ACSM1: variants seen among roughly 807,000 people sequenced by gnomAD.
ACSM1 encodes acyl-CoA synthetase medium chain family member 1.
A neutral mutation model predicts 75.8 loss-of-function variants in ACSM1; 79 were observed. The ratio of observed to expected loss-of-function variants is 1.04; its 90% confidence interval spans 0.87 to 1.26. The LOEUF (loss-of-function observed/expected upper bound fraction) is 1.26, where lower values mean the gene tolerates loss of function less well. Among genes scored for constraint, ACSM1 ranks in the 50% most tolerant of loss-of-function variants. The pLI is 0.00. For missense variants in ACSM1, 676 were observed against 720.1 expected (o/e 0.94, Z 0.70); for synonymous variants, 279 against 265.8 (o/e 1.05, Z -0.48).
chr16:20,625,471 C>T lies in ACSM1; in HGVS notation c.1479G>A (p.Ala493=), dbSNP rs777095267. Residue 493 remains alanine, a synonymous_variant, in exon 12 of 14, where the codon GCG becomes GCA. Transcript: ENST00000520010. The part of the protein sequence containing the change: ...EVESALVEHP[A]VAESAVVGSP... ...TGCCCACCACGGCTGACTCCGCCACCGCTGGGTGCTCCACCAAAGCGCTTT... is the reference window on the plus strand; with the variant it reads ...TGCCCACCACGGCTGACTCCGCCACTGCTGGGTGCTCCACCAAAGCGCTTT... 1.1e-5 allele frequency: 17 copies of T among 1,614,040 alleles called. No individual in the cohort carries two copies. Among genetic ancestry groups the T allele is most frequent in the Middle Eastern group, 1.6e-4 (1 of 6,084 alleles).
chr16:20,662,721 T>C (rs2152259846), intron 6 of ACSM1, among the ~76,000 whole-genome samples: 2 of 152,272 alleles, frequency 1.3e-5, no homozygotes, highest in South Asian at 4.1e-4. Flanking sequence ...CTACTTCCAG[T>C]CCCTCCCTTC....
Position 20,636,781 on chromosome 16 carries a change from T to C in ACSM1, c.1257A>G (p.Arg419=). Residue 419 remains arginine (R), a synonymous_variant, in exon 10 of 14, where the codon AGA becomes AGG. Coordinates refer to ENST00000520010, the MANE Select transcript of ACSM1 (RefSeq NM_001318890.3). ...GGCTCACAGGCCTGACAGGTTTGAT[T>C]CTGATGCCAATGTTTCCTTCTGTGT... ...PPNTEGNIGI[R]IKPVRPVSLF... 1.2e-6 allele frequency: 2 copies of C among 1,614,084 alleles called. No individual in the cohort carries two copies. The highest frequency in any genetic ancestry group is 3.3e-5 in the Admixed American group (2 of 59,998).
In ACSM1 at chr16:20,627,198, TTAA is replaced by T. The variant is rs2016982433; in HGVS notation, c.1415_1417del (p.Ile472del). The T allele has an allele frequency of 6.4e-7, 1 of 1,560,784 alleles. No homozygotes were observed. Among genetic ancestry groups the T allele is most frequent in the Non-Finnish European group, 8.6e-7 (1 of 1,157,410 alleles). ...CATCAGCCACACCTACCCAGAGGCATTAATGATGTCATCACTCCTCCCCAGGAA... is the reference window on the plus strand; with the variant it reads ...CATCAGCCACACCTACCCAGAGGCATTGATGTCATCACTCCTCCCCAGGAA... On this transcript the variant is annotated inframe_deletion, in exon 11 of 14. Transcript: ENST00000520010.
Position 20,625,492 on chromosome 16 carries a change from G to A in ACSM1, c.1458C>T (p.Ser486=), listed in dbSNP as rs2301672. The change falls in exon 12 of 14, where the codon AGC becomes AGT. Residue 486 remains serine, a synonymous_variant. Transcript: ENST00000520010. Reference sequence around the variant, plus strand: ...CCACCGCTGGGTGCTCCACCAAAGCGCTTTCAACCTCTGCAGGCCCGATGC... The same window carrying A: ...CCACCGCTGGGTGCTCCACCAAAGCACTTTCAACCTCTGCAGGCCCGATGC... ...GYRIGPAEVE[S]ALVEHPAVAE... is the part of the protein sequence containing the mutation. 0.14 allele frequency: 227,554 copies of A among 1,613,792 alleles called. 19,893 individuals are homozygous for A. The highest frequency in any genetic ancestry group is 0.5 in the East Asian group (22,564 of 44,820).
intron 7 of ACSM1, among the ~76,000 whole-genome samples, chr16:20,653,025 T>A (rs539346213): frequency 1.3e-5 from 2 of 152,208 alleles, no homozygotes; most frequent in South Asian, 2.1e-4. Context: ...GCAAACTGAA[T>A]CCAGCAACAC....
At chr16:20,633,566 T>C (rs774911919) in intron 10 of ACSM1, among the ~76,000 whole-genome samples, 3 of 152,194 alleles carry the variant, frequency 2.0e-5, no homozygotes, top group Non-Finnish European at 4.4e-5. Flanking sequence ...TACTCATTTA[T>C]TGGAGACTTA....
At chr16:20,649,073 C>T (rs1221250715) in intron 7 of ACSM1, among the ~76,000 whole-genome samples, 1 of 152,184 alleles carries the variant, frequency 6.6e-6, no homozygotes, top group African/African-American at 2.4e-5. Flanking sequence ...ATCTTTCTCT[C>T]CTGTTAATCA....
intron 8 of ACSM1, among the ~76,000 whole-genome samples, chr16:20,637,845 G>A (rs2017817129): frequency 6.6e-6 from 1 of 152,212 alleles, no homozygotes; most frequent in East Asian, 1.9e-4. Flanking sequence ...TTTACTTGGG[G>A]CTGTTGAGCA....
At chr16:20,635,484 C>T (rs923249260) in intron 10 of ACSM1, among the ~76,000 whole-genome samples, 2 of 152,180 alleles carry the variant, frequency 1.3e-5, no homozygotes, top group African/African-American at 4.8e-5. Flanking sequence ...AAAAAATCTC[C>T]TGAAATGATT....
At chr16:20,642,513 A>G (rs2018122490) in intron 7 of ACSM1, among the ~76,000 whole-genome samples, 1 of 152,250 alleles carries the variant, frequency 6.6e-6, no homozygotes, top group South Asian at 2.1e-4. Context: ...GGAGACCTTG[A>G]AGCATGGCAA....
In ACSM1 at chr16:20,669,977, T is replaced by C; in HGVS notation, c.762A>G (p.Leu254=). The C allele has an allele frequency of 6.2e-7, 1 of 1,613,688 alleles. No individual in the cohort carries two copies. Among genetic ancestry groups the C allele is most frequent in the Non-Finnish European group, 8.5e-7 (1 of 1,179,800 alleles). The change falls in exon 6 of 14, where the codon TTA becomes TTG. Residue 254 remains leucine (L), a synonymous_variant. Transcript: ENST00000520010. ...LQPSFPGSRK[L]RSLKTSDVSW... ...AGACATCAGATGTCTTCAGGCTCCG[T>C]AATTTCCTACTAACTCCAAAATGCA...
At chr16:20,624,064 C>A in intron 13 of ACSM1, 32 bp downstream of exon 13, 1 of 1,607,476 alleles carries the variant, frequency 6.2e-7, no homozygotes, top group South Asian at 1.1e-5. Context: ...CGCTTCAGGG[C>A]CACCAGATCC....
chr16:20,684,049 G>A (rs9930784), intron 3 of ACSM1, among the ~76,000 whole-genome samples: 64,150 of 152,052 alleles, frequency 0.42, 16,214 homozygotes, highest in Non-Finnish European at 0.58. Flanking sequence ...GAGTATGGCA[G>A]AGTGCTGTAC....
At chr16:20,674,355 A>G (rs368699573) in intron 4 of ACSM1, among the ~76,000 whole-genome samples, 2 of 152,206 alleles carry the variant, frequency 1.3e-5, no homozygotes, top group African/African-American at 4.8e-5. Flanking sequence ...TTTCCTTGAA[A>G]AGTAAGAAAT....
At chr16:20,636,433 T>C (rs1307953205) in intron 10 of ACSM1, among the ~76,000 whole-genome samples, 5 of 152,126 alleles carry the variant, frequency 3.3e-5, no homozygotes, top group African/African-American at 1.2e-4. Context: ...TTACACTCTG[T>C]TGTTGGTAAG....
At chr16:20,678,240 C>T (rs903478342) in intron 4 of ACSM1, among the ~76,000 whole-genome samples, 8 of 152,020 alleles carry the variant, frequency 5.3e-5, no homozygotes, top group East Asian at 1.9e-4. Flanking sequence ...ATCCCTGAAA[C>T]GGTGGCCCCC....
intron 9 of ACSM1, 181 bp from the exon 10 acceptor site, chr16:20,637,021 G>C: frequency 1.4e-6 from 1 of 702,550 alleles, no homozygotes; most frequent in South Asian, 1.6e-5. Flanking sequence ...TCAAGCCAAG[G>C]GTCTATGTTT....
At chr16:20,680,554 C>A (rs1300076867) in intron 4 of ACSM1, 3 of 152,232 alleles carry the variant, frequency 2.0e-5, no homozygotes, top group Non-Finnish European at 4.4e-5. Context: ...TGCCAGTGAA[C>A]CAACAGCCTC....
In ACSM1 at chr16:20,623,259, T is replaced by G; in HGVS notation, c.*227A>C. 2.0e-6 allele frequency: 1 copy of G among 502,500 alleles called. No homozygotes were observed. The highest frequency in any genetic ancestry group is 2.3e-5 in the South Asian group (1 of 44,010). 31.1% of individuals were successfully genotyped at this position (502,500 alleles called of 1,614,324 possible). A position where few individuals can be genotyped will look rare whatever the true frequency, so the allele number is the denominator to read the frequency against. ...ATTGTTGATATCAGTATTTTATTAC[T>G]TGCGTTATGAGTGCTCACCTGGGAA... On this transcript the variant is annotated 3_prime_UTR_variant, in exon 14 of 14. Transcript: ENST00000520010.
Sources: allele counts gnomAD v4.1 joint callset (sites outside exome capture counted in the v4.1 genomes callset), GRCh38; gene constraint gnomAD v4.1.1; transcripts MANE v1.5; gene names NCBI Gene and HGNC (gene_info 2026-07-23, HGNC 2026-07-21).